The following XPR1 variants were observed in gnomAD, a reference collection of about 807,000 sequenced individuals.
The protein encoded by XPR1 is xenotropic and polytropic retrovirus receptor 1.
In XPR1, 28 loss-of-function variants were observed where a neutral mutation model predicts 87.5. The observed-to-expected ratio is 0.32, with a 90% CI of 0.24 to 0.44. The LOEUF (loss-of-function observed/expected upper bound fraction) is 0.44, where lower values mean the gene tolerates loss of function less well. XPR1 is among the 20% of genes least tolerant of loss of function. The pLI is 1.00. For missense variants in XPR1, 559 were observed against 862.3 expected (o/e 0.65, Z 4.41); for synonymous variants, 300 against 306.1 (o/e 0.98, Z 0.21).
intron 2 of XPR1, among the ~76,000 whole-genome samples, chr1:180,761,003 C>T (rs1217636108): frequency 6.6e-6 from 1 of 152,092 alleles, no homozygotes; most frequent in Non-Finnish European, 1.5e-5. Context: ...CTGACAAAAA[C>T]AAGCAATGGG....
chr1:180,853,791 G>GTTTT (rs374408714), intron 11 of XPR1, among the ~76,000 whole-genome samples: 14 of 109,400 alleles, frequency 1.3e-4, no homozygotes, highest in African/African-American at 3.1e-4. Flanking sequence ...CATTCATGTG[G>GTTTT]TTTTTTTTTT....
rs1651836783 is a variant in XPR1 at position 180,850,729 on chromosome 1, G to T, written c.1502-12979G>T. On this transcript the variant is annotated intron_variant, in intron 11 of 14. Transcript: ENST00000367590. The stretch of plus-strand genomic sequence containing the variant: ...TCTCAGCATTTTGGGATGCCAAGTT[G>T]GGAGGATCACTTAAGGCCTGGAGTT... Among the ~76,000 whole-genome samples the T allele has an allele frequency of 2.0e-5, 3 of 152,082 alleles. No individual in the cohort carries two copies. The South Asian group carries it at 6.2e-4, about 32-fold the overall frequency.
intron 2 of XPR1, among the ~76,000 whole-genome samples, chr1:180,786,616 T>C (rs1452218520): frequency 6.6e-6 from 1 of 152,198 alleles, no homozygotes; most frequent in African/African-American, 2.4e-5. Flanking sequence ...TGATAGGCTA[T>C]GTGACAGAAC....
At chr1:180,785,005 G>GTGTT (rs1649082622) in intron 2 of XPR1, among the ~76,000 whole-genome samples, 1 of 111,300 alleles carries the variant, frequency 9.0e-6, no homozygotes, top group Non-Finnish European at 1.8e-5. Context: ...TTTCGTGTGT[G>GTGTT]TGTGTTTGTG....
intron 2 of XPR1, among the ~76,000 whole-genome samples, chr1:180,696,800 G>A (rs1657190549): frequency 6.6e-6 from 1 of 152,134 alleles, no homozygotes; most frequent in Non-Finnish European, 1.5e-5. Flanking sequence ...ATTGATTTGT[G>A]TATGTTGAGC....
intron 11 of XPR1, among the ~76,000 whole-genome samples, chr1:180,848,526 G>C (rs148915628): frequency 6.6e-6 from 1 of 152,210 alleles, no homozygotes; most frequent in African/African-American, 2.4e-5. Flanking sequence ...GTATGCCATT[G>C]TGTATATACA....
intron 3 of XPR1, among the ~76,000 whole-genome samples, chr1:180,803,000 T>C (rs1414696985): frequency 2.0e-5 from 3 of 152,264 alleles, no homozygotes; most frequent in African/African-American, 7.2e-5. Context: ...AGTATATGTA[T>C]GCAAGTTTTC....
intron 2 of XPR1, among the ~76,000 whole-genome samples, chr1:180,763,162 T>A (rs1648118708): frequency 6.6e-6 from 1 of 152,182 alleles, no homozygotes; most frequent in Admixed American, 6.5e-5. Flanking sequence ...TATATTTAGA[T>A]TAATGAAGAA....
intron 2 of XPR1, among the ~76,000 whole-genome samples, chr1:180,697,017 T>C (rs1486350702): frequency 1.3e-5 from 2 of 152,142 alleles, no homozygotes; most frequent in African/African-American, 4.8e-5. Flanking sequence ...GGAAGAGTTT[T>C]CTCCTCTCCA....
At chr1:180,825,451 T>C (rs892803984) in intron 9 of XPR1, 107 bp downstream of exon 9, 2 of 1,217,014 alleles carry the variant, frequency 1.6e-6, no homozygotes, top group African/African-American at 3.1e-5. Flanking sequence ...AGGCCGTGGT[T>C]CACATTATAG....
chr1:180,798,260 C>T (rs1649659465), intron 3 of XPR1, among the ~76,000 whole-genome samples: 1 of 150,986 alleles, frequency 6.6e-6, no homozygotes, highest in Non-Finnish European at 1.5e-5. Flanking sequence ...TTTTAAAGGA[C>T]CAATTAGATC....
intron 2 of XPR1, among the ~76,000 whole-genome samples, chr1:180,759,354 C>T (rs190941505): frequency 2.6e-5 from 4 of 151,960 alleles, no homozygotes; most frequent in South Asian, 4.2e-4. Context: ...TCAACAAAAT[C>T]GATAGACCGC....
At chr1:180,861,272 A>ATAAGT (rs112581278) in intron 11 of XPR1, among the ~76,000 whole-genome samples, 6,523 of 152,180 alleles carry the variant, frequency 0.043, 490 homozygotes, top group African/African-American at 0.15. Flanking sequence ...GTAAATATAA[A>ATAAGT]TAAGTTCCTT....
intron 11 of XPR1, among the ~76,000 whole-genome samples, chr1:180,840,095 C>T (rs58586274): frequency 0.043 from 6,493 of 151,448 alleles, 490 homozygotes; most frequent in African/African-American, 0.15. Context: ...CGGTGGCGGG[C>T]GCCTGTAGTC....
chr1:180,755,360 T>C (rs1647691850), intron 2 of XPR1, among the ~76,000 whole-genome samples: 1 of 152,230 alleles, frequency 6.6e-6, no homozygotes, highest in Admixed American at 6.5e-5. Flanking sequence ...AAATTTTACA[T>C]TTATTTCTGC....
chr1:180,794,597 C>T (rs1464725828), intron 3 of XPR1, among the ~76,000 whole-genome samples: 1 of 152,128 alleles, frequency 6.6e-6, no homozygotes, highest in Non-Finnish European at 1.5e-5. Flanking sequence ...CTTGAATTTA[C>T]TTGGAGGAAG....
chr1:180,724,343 A>C (rs1371467307), intron 2 of XPR1, among the ~76,000 whole-genome samples: 1 of 152,202 alleles, frequency 6.6e-6, no homozygotes, highest in East Asian at 1.9e-4. Flanking sequence ...CATAAAATTC[A>C]CTTTAATTTT....
At chr1:180,728,584 A>G (rs1382750132) in intron 2 of XPR1, among the ~76,000 whole-genome samples, 1 of 152,210 alleles carries the variant, frequency 6.6e-6, no homozygotes, top group Admixed American at 6.5e-5. Flanking sequence ...AAGCTCCCAG[A>G]GGCTGCTAAA....
chr1:180,841,560 A>G (rs894537665), intron 11 of XPR1, among the ~76,000 whole-genome samples: 2 of 152,202 alleles, frequency 1.3e-5, no homozygotes, highest in African/African-American at 4.8e-5. Context: ...TAGAGCTGCT[A>G]TATGTGTGTC....
Sources: allele counts gnomAD v4.1 joint callset (sites outside exome capture counted in the v4.1 genomes callset), GRCh38; gene constraint gnomAD v4.1.1; transcripts MANE v1.5; gene names NCBI Gene and HGNC (gene_info 2026-07-23, HGNC 2026-07-21).